Variants in LPIN1 observed in about 807,000 individuals in gnomAD.
The protein encoded by LPIN1 is lipin 1, also known as phosphatidate phosphatase LPIN1.
In LPIN1, 71 loss-of-function variants were observed where a neutral mutation model predicts 107.5. The ratio of observed to expected loss-of-function variants is 0.66; its 90% CI spans 0.55 to 0.80. The LOEUF (loss-of-function observed/expected upper bound fraction) is 0.80. LPIN1 is among the 30% of genes least tolerant of loss of function. The pLI is 0.00. For synonymous variants in LPIN1, 445 were observed against 452.6 expected (o/e 0.98, Z 0.21); for missense variants, 1,043 against 1,160.6 (o/e 0.90, Z 1.47).
chr2:11,732,972 C>T (rs984575980), intron 1 of LPIN1, among the ~76,000 whole-genome samples: 4 of 150,628 alleles, frequency 2.7e-5, no homozygotes, highest in African/African-American at 9.8e-5. Context: ...GAGGTCCCTC[C>T]GACCAATATT....
chr2:11,760,887 A>T (rs1204732798), intron 1 of LPIN1, among the ~76,000 whole-genome samples: 1 of 152,156 alleles, frequency 6.6e-6, no homozygotes, highest in Non-Finnish European at 1.5e-5. Flanking sequence ...TGCAAGGGTG[A>T]TGAAGGCAAA....
At chr2:11,720,907 G>A (rs567896867), upstream of LPIN1, among the ~76,000 whole-genome samples, 4 of 152,082 alleles carry the variant, frequency 2.6e-5, no homozygotes, top group South Asian at 8.3e-4. Context: ...TGCGAGAGAA[G>A]AGAATTCAGA....
chr2:11,783,994 C>A, intron 9 of LPIN1, 72 bp downstream of exon 9: 1 of 1,609,592 alleles, frequency 6.2e-7, no homozygotes, highest in South Asian at 1.1e-5. Flanking sequence ...CCAGTTTCCC[C>A]TTATGTTTGA....
chr2:11,741,265 T>G, intron 1 of LPIN1: 2 of 951,098 alleles, frequency 2.1e-6, no homozygotes, highest in South Asian at 3.4e-5. Flanking sequence ...CTCTGTAGAA[T>G]GTGAGGATGG....
At chr2:11,789,077 A>G (rs924043076) in intron 12 of LPIN1, among the ~76,000 whole-genome samples, 5 of 152,234 alleles carry the variant, frequency 3.3e-5, no homozygotes, top group African/African-American at 1.2e-4. Flanking sequence ...AATTTTTTCA[A>G]TGATAGATCT....
At chr2:11,731,313 T>G (rs746966015) in intron 1 of LPIN1, among the ~76,000 whole-genome samples, 1 of 152,086 alleles carries the variant, frequency 6.6e-6, no homozygotes, top group Non-Finnish European at 1.5e-5. Context: ...CACTTATGAG[T>G]GAGAACATGC....
At chr2:11,731,107 A>C (rs1005370158) in intron 1 of LPIN1, among the ~76,000 whole-genome samples, 1 of 152,208 alleles carries the variant, frequency 6.6e-6, no homozygotes, top group Non-Finnish European at 1.5e-5. Context: ...CATGTGCAGA[A>C]TGTGCAGGTT....
intron 1 of LPIN1, among the ~76,000 whole-genome samples, chr2:11,686,807 C>T (rs930249639): frequency 7.2e-5 from 11 of 152,034 alleles, no homozygotes; most frequent in Non-Finnish European, 1.0e-4. Context: ...AGTGATTAAT[C>T]GATATGGGTC....
At position 11,700,471 on chromosome 2, in the gene LPIN1, C is replaced by T. The variant is rs891791019; in HGVS notation, c.82-13285C>T. Among the ~76,000 whole-genome samples, 16 of 148,984 alleles carry T rather than the reference C, an allele frequency of 1.1e-4. No homozygotes were observed. The East Asian group carries it at 3.1e-3, about 29-fold the overall frequency. On this transcript the variant is annotated intron_variant, in intron 1 of 21. Coordinates refer to the LPIN1 transcript ENST00000449576. ...CTCATTTTCTCTCTCTCTCTCAGCTCTCTCTCTCTCTCTCTCGCTCTCATT... is the reference window on the plus strand; with the variant it reads ...CTCATTTTCTCTCTCTCTCTCAGCTTTCTCTCTCTCTCTCTCGCTCTCATT...
At chr2:11,706,813 C>A (rs1187265221) in intron 1 of LPIN1, among the ~76,000 whole-genome samples, 1 of 152,136 alleles carries the variant, frequency 6.6e-6, no homozygotes, top group Non-Finnish European at 1.5e-5. Context: ...TATCTGGGGG[C>A]TCATTAACTA....
chr2:11,792,705 C>G (rs1490464180), intron 13 of LPIN1, among the ~76,000 whole-genome samples: 1 of 152,216 alleles, frequency 6.6e-6, no homozygotes, highest in African/African-American at 2.4e-5. Context: ...TTTAATGAGG[C>G]ATACTCACAG....
At chr2:11,748,089 C>G (rs976164075) in intron 1 of LPIN1, among the ~76,000 whole-genome samples, 2 of 152,052 alleles carry the variant, frequency 1.3e-5, no homozygotes, top group East Asian at 3.9e-4. Flanking sequence ...GGAGAGAACG[C>G]GAGGGTTCAG....
At chr2:11,822,702 G>A (rs1300044515) in intron 20 of LPIN1, among the ~76,000 whole-genome samples, 1 of 152,150 alleles carries the variant, frequency 6.6e-6, no homozygotes, top group African/African-American at 2.4e-5. Flanking sequence ...ATGAGATTTG[G>A]GTGGGGACAC....
At chr2:11,824,255 C>T (rs370958510) in intron 20 of LPIN1, among the ~76,000 whole-genome samples, 4 of 151,812 alleles carry the variant, frequency 2.6e-5, no homozygotes, top group African/African-American at 9.7e-5. Context: ...GTCAGGTGCT[C>T]CAAAGATGTG....
intron 1 of LPIN1, among the ~76,000 whole-genome samples, chr2:11,705,125 T>C (rs1367214531): frequency 6.6e-6 from 1 of 152,176 alleles, no homozygotes; most frequent in Non-Finnish European, 1.5e-5. Flanking sequence ...TAAAGCCATC[T>C]CCAGCCCCCT....
At chr2:11,727,461 C>T (rs116082787) in intron 1 of LPIN1, among the ~76,000 whole-genome samples, 2,407 of 152,232 alleles carry the variant, frequency 0.016, 75 homozygotes, top group African/African-American at 0.055. Flanking sequence ...CTACTCTGGC[C>T]CTGGAATCAG....
upstream of LPIN1, chr2:11,722,649 T>G (rs916554361): frequency 9.2e-5 from 14 of 152,242 alleles, no homozygotes; most frequent in Non-Finnish European, 1.6e-4. Flanking sequence ...GAGTGTTACA[T>G]AAGCCAGAAT....
At chr2:11,783,773 C>A in intron 8 of LPIN1, 56 bp from the exon 9 acceptor site, 1 of 1,387,310 alleles carries the variant, frequency 7.2e-7, no homozygotes, top group Non-Finnish European at 1.0e-6. Context: ...AGATACAAGG[C>A]CATGAGCTCA....
intron 1 of LPIN1, among the ~76,000 whole-genome samples, chr2:11,747,239 T>TTA (rs1667099985): frequency 6.6e-6 from 1 of 152,234 alleles, no homozygotes; most frequent in Non-Finnish European, 1.5e-5. Context: ...GGTTCTCATA[T>TTA]TACAGCTCTC....
Sources: gnomAD v4.1 joint callset for allele counts (sites outside exome capture counted in the v4.1 genomes callset) on GRCh38, gnomAD v4.1.1 for gene constraint, MANE v1.5 for transcripts, NCBI Gene and HGNC (gene_info 2026-07-23, HGNC 2026-07-21) for gene names.